CCDC63: variants seen among roughly 807,000 people sequenced by gnomAD.
CCDC63 encodes the protein coiled-coil domain-containing protein 63.
Under a neutral mutation model 63.6 loss-of-function variants are expected in CCDC63, and 54 were observed. That is an observed-to-expected ratio of 0.85 (90% CI 0.68 to 1.07). CCDC63 has a LOEUF of 1.07. Among genes scored for constraint, CCDC63 ranks in the 50% least tolerant of loss-of-function variants. The pLI, the probability that CCDC63 is intolerant of heterozygous loss-of-function variation, is 0.00. For synonymous variants in CCDC63, 253 were observed against 266.1 expected (o/e 0.95, Z 0.48); for missense variants, 637 against 689.6 (o/e 0.92, Z 0.86).
chr12:110,857,385 A>G lies in CCDC63; in HGVS notation c.180-1201A>G, dbSNP rs181720148. Among the ~76,000 whole-genome samples, 5 of 151,630 alleles carry G rather than the reference A, an allele frequency of 3.3e-5. No homozygotes were observed. The East Asian group carries it at 7.8e-4, about 24-fold the overall frequency. On this transcript the variant is annotated intron_variant, in intron 3 of 11. Coordinates refer to ENST00000308208, the MANE Select transcript of CCDC63 (RefSeq NM_152591.3). ...CATGATCCACTGGCCTCGGCCTCCT[A>G]AAGTGCTGGGATTACAGGCATAAGC...
chr12:110,898,362 C>T (rs2071439746), intron 9 of CCDC63, among the ~76,000 whole-genome samples: 1 of 151,602 alleles, frequency 6.6e-6, no homozygotes, highest in South Asian at 2.1e-4. Flanking sequence ...GTGGCTCATG[C>T]CTGTAATCTC....
At chr12:110,860,323 C>T (rs1385532523) in intron 4 of CCDC63, among the ~76,000 whole-genome samples, 1 of 152,176 alleles carries the variant, frequency 6.6e-6, no homozygotes, top group Admixed American at 6.5e-5. Context: ...CATGGCTCCC[C>T]ACAGTACCCC....
chr12:110,876,761 T>C (rs2071135477), intron 5 of CCDC63, among the ~76,000 whole-genome samples: 1 of 151,638 alleles, frequency 6.6e-6, no homozygotes, highest in Non-Finnish European at 1.5e-5. Context: ...AAACCAGATG[T>C]GGTGGCTCAC....
At chr12:110,854,848 G>C (rs2070751364) in intron 3 of CCDC63, among the ~76,000 whole-genome samples, 1 of 152,024 alleles carries the variant, frequency 6.6e-6, no homozygotes, top group Non-Finnish European at 1.5e-5. Context: ...ACCCAGGCTG[G>C]AGTGCAGTGG....
Position 110,853,528 on chromosome 12 carries a change from C to T in CCDC63, c.133C>T (p.Arg45Trp), listed in dbSNP as rs143432780. 1.7e-4 allele frequency: 278 copies of T among 1,614,178 alleles called. No homozygotes were observed. In the South Asian group the frequency reaches 1.8e-3, roughly 10 times the overall value. ...RQQFRKMVES[R>W]KSFKFRNQQK... ...GCAGTTCAGGAAGATGGTGGAAAGC[C>T]GGAAGTCTTTTAAGTTCCGAAACCA... is the stretch of plus-strand genomic sequence containing the variant. The change falls in exon 3 of 12, where the codon CGG becomes TGG. Residue 45 changes from arginine (R) to tryptophan (W), a missense_variant. Transcript: ENST00000308208.
chr12:110,879,826 A>G, intron 5 of CCDC63, 80 bp from the exon 6 acceptor site: 2 of 1,401,654 alleles, frequency 1.4e-6, no homozygotes, highest in Non-Finnish European at 2.0e-6. Context: ...CAAAGACCTG[A>G]CAGCCTTCCA....
chr12:110,886,015 A>G (rs1593682485), intron 8 of CCDC63, among the ~76,000 whole-genome samples: 1 of 152,230 alleles, frequency 6.6e-6, no homozygotes, highest in Admixed American at 6.5e-5. Context: ...TATAGATAAT[A>G]ACAGTCCATG....
rs112919506 is a variant in CCDC63, at chr12:110,855,703, T to G, written c.179+2129T>G. On this transcript the variant is annotated intron_variant, in intron 3 of 11. Coordinates refer to ENST00000308208, the MANE Select transcript of CCDC63 (RefSeq NM_152591.3). ...TTCATGCAATTCTCCTGCCTCAGTC[T>G]CCCGAGTAGCTGGGATTATAGGCAT... Among the ~76,000 whole-genome samples, 1,496 of 152,320 alleles carry G rather than the reference T, an allele frequency of 9.8e-3. 14 individuals carry two copies. Among genetic ancestry groups the G allele is most frequent in the South Asian group, 0.025 (121 of 4,826 alleles).
chr12:110,903,493 T>C (rs928231180), intron 10 of CCDC63, among the ~76,000 whole-genome samples: 12 of 152,376 alleles, frequency 7.9e-5, no homozygotes, highest in African/African-American at 2.9e-4. Context: ...CCTCCATACA[T>C]ACTGAAGCTC....
intron 6 of CCDC63, among the ~76,000 whole-genome samples, chr12:110,880,389 T>C (rs1370364538): frequency 6.6e-6 from 1 of 152,150 alleles, no homozygotes; most frequent in African/African-American, 2.4e-5. Context: ...TGTGGTGAAG[T>C]TGAGATTCAA....
intron 1 of CCDC63, among the ~76,000 whole-genome samples, chr12:110,848,200 G>A (rs1593628736): frequency 6.6e-6 from 1 of 152,388 alleles, no homozygotes; most frequent in Middle Eastern, 3.4e-3. Context: ...AGTGGGGCCT[G>A]TGGCCAGGAG....
chr12:110,851,322 T>G (rs1467179752), intron 1 of CCDC63, among the ~76,000 whole-genome samples: 1 of 152,148 alleles, frequency 6.6e-6, no homozygotes, highest in Non-Finnish European at 1.5e-5. Context: ...TCTCCTCCAT[T>G]TTAGCTTGGT....
In CCDC63 at chr12:110,893,088, C is replaced by T. The variant is rs201067506; in HGVS notation, c.1087C>T (p.Leu363Phe). The T allele has an allele frequency of 1.9e-6, 3 of 1,613,982 alleles. No individual in the cohort carries two copies. In the African/African-American group the frequency reaches 4.0e-5, roughly 22 times the overall value. Residue 363 changes from leucine to phenylalanine, a missense_variant, in exon 9 of 12, where the codon CTC becomes TTC. Transcript: ENST00000308208. ...CTCTCCCGAGCAGGACGAGATCATC[C>T]TCTTGCGATCCCAGCAGAAATTGTC... ...RTQRIQDEII[L>F]LRSQQKLSHD...
chr12:110,867,472 G>A (rs1212206205), intron 4 of CCDC63, among the ~76,000 whole-genome samples: 30 of 107,280 alleles, frequency 2.8e-4, no homozygotes, highest in East Asian at 1.5e-3. Flanking sequence ...CAGTAGGGGC[G>A]GCCGGGCAGA....
At chr12:110,899,164 T>C (rs776277365) in intron 10 of CCDC63, 39 bp downstream of exon 10, 2 of 1,553,054 alleles carry the variant, frequency 1.3e-6, no homozygotes, top group Admixed American at 3.6e-5. Flanking sequence ...TTAGGAAACA[T>C]TTCCAGAACT....
At chr12:110,872,554 G>T (rs1179228978) in intron 4 of CCDC63, among the ~76,000 whole-genome samples, 11 of 152,226 alleles carry the variant, frequency 7.2e-5, no homozygotes, top group African/African-American at 2.2e-4. Context: ...AGTGACTACA[G>T]TCCCGGATAA....
At chr12:110,850,489 C>A (rs2070692333) in intron 1 of CCDC63, among the ~76,000 whole-genome samples, 1 of 152,204 alleles carries the variant, frequency 6.6e-6, no homozygotes. Context: ...CGCCTGTAAT[C>A]CCAGCACTTT....
intron 4 of CCDC63, among the ~76,000 whole-genome samples, chr12:110,866,795 G>A (rs2070955996): frequency 1.4e-5 from 2 of 147,734 alleles, no homozygotes; most frequent in Admixed American, 6.7e-5. Flanking sequence ...CCACAAAGCC[G>A]CCATTGTCAT....
rs554587306 is a variant in CCDC63 at position 110,898,964 on chromosome 12, A to G, written c.1181A>G (p.Asp394Gly). 6.8e-6 allele frequency: 11 copies of G among 1,610,868 alleles called. No individual in the cohort carries two copies. Among genetic ancestry groups the G allele is most frequent in the African/African-American group, 1.3e-5 (1 of 74,796 alleles). The change falls in exon 10 of 12, where the codon GAT (aspartate) becomes GGT (glycine). Residue 394 changes from aspartate (D) to glycine (G), a missense_variant. Asp to Gly is a moderately conservative substitution (Grantham distance 94). Transcript: ENST00000308208. ...DKLRKTTEEA[D>G]MYESKYGEVS... ...CTGAGGAAGACCACGGAGGAGGCAG[A>G]TATGTATGAGAGCAAGTACGGGGAG... is the stretch of plus-strand genomic sequence containing the variant.
Sources: gnomAD v4.1 joint callset for allele counts (sites outside exome capture counted in the v4.1 genomes callset) on GRCh38, gnomAD v4.1.1 for gene constraint, MANE v1.5 for transcripts, NCBI Gene and HGNC (gene_info 2026-07-23, HGNC 2026-07-21) for gene names.